CREB5: variants seen among roughly 807,000 people sequenced by gnomAD.
The protein encoded by CREB5 is cyclic AMP-responsive element-binding protein 5.
CREB5 carries 19 observed loss-of-function variants against 57.1 expected under a neutral mutation model. The observed-to-expected ratio is 0.33, with a 90% confidence interval of 0.23 to 0.49. CREB5 has a LOEUF of 0.49. CREB5 is among the 20% of genes least tolerant of loss of function. CREB5 has a pLI of 0.99. For synonymous variants in CREB5, 238 were observed against 238.3 expected, an observed-to-expected ratio of 1.00 and a Z score of 0.01; for missense variants, 579 against 671.6, an observed-to-expected ratio of 0.86 and a Z score of 1.52.
At chr7:28,731,753 G>C (rs921502730) in intron 7 of CREB5, among the ~76,000 whole-genome samples, 3 of 152,160 alleles carry the variant, frequency 2.0e-5, no homozygotes, top group Non-Finnish European at 4.4e-5. Context: ...TTATTGAAGC[G>C]AAGTACACAG....
At chr7:28,536,169 C>T (rs185431136) in intron 4 of CREB5, among the ~76,000 whole-genome samples, 1 of 152,298 alleles carries the variant, frequency 6.6e-6, no homozygotes, top group Admixed American at 6.5e-5. Flanking sequence ...CAAAAAGCAC[C>T]TTGAGCCTAT....
At position 28,571,336 on chromosome 7, in the gene CREB5, G is replaced by A. The variant is rs370550755; in HGVS notation, c.464+799G>A. 3.7e-4 allele frequency among the ~76,000 whole-genome samples: 56 copies of A among 152,150 alleles called. No individual in the cohort carries two copies. In the South Asian group the frequency reaches 8.7e-3, roughly 24 times the overall value. The stretch of plus-strand genomic sequence containing the variant: ...ACCACCATATTTCCACAGTCGTCCC[G>A]CCCTCTGCTTATTCTTCCCTGCTTC... On this transcript the variant is annotated intron_variant, in intron 5 of 10. Transcript: ENST00000357727.
At chr7:28,473,147 A>C (rs1790899559) in intron 1 of CREB5, among the ~76,000 whole-genome samples, 1 of 152,066 alleles carries the variant, frequency 6.6e-6, no homozygotes, top group African/African-American at 2.4e-5. Flanking sequence ...ACATAGTGGG[A>C]CCCCATCTCT....
At chr7:28,640,451 T>C (rs973689261) in intron 5 of CREB5, among the ~76,000 whole-genome samples, 2 of 152,186 alleles carry the variant, frequency 1.3e-5, no homozygotes, top group Non-Finnish European at 2.9e-5. Flanking sequence ...AACAAAAGTA[T>C]AGCTATTTGG....
intron 7 of CREB5, among the ~76,000 whole-genome samples, chr7:28,745,859 G>A (rs1804658307): frequency 6.6e-6 from 1 of 152,178 alleles, no homozygotes; most frequent in Admixed American, 6.5e-5. Context: ...GACCAGCTAG[G>A]ACACCTAAGT....
intron 1 of CREB5, among the ~76,000 whole-genome samples, chr7:28,319,659 G>A (rs1259875116): frequency 6.6e-6 from 1 of 152,096 alleles, no homozygotes; most frequent in Non-Finnish European, 1.5e-5. Flanking sequence ...TCTCAAGAGT[G>A]CCCCACCATT....
chr7:28,311,956 A>G (rs1307545509), intron 1 of CREB5, among the ~76,000 whole-genome samples: 3 of 152,188 alleles, frequency 2.0e-5, no homozygotes, highest in East Asian at 3.9e-4. Flanking sequence ...TTGGGCTGTT[A>G]GGACCCTGAC....
In CREB5 at chr7:28,787,879, A is replaced by G. The variant is rs570364311; in HGVS notation, c.703-16320A>G. Reference sequence around the variant, plus strand: ...TGAAAACTAGATTCTTAACTCTGCTATCATCATTGCCATTCTTGAACCACA... The same window carrying G: ...TGAAAACTAGATTCTTAACTCTGCTGTCATCATTGCCATTCTTGAACCACA... On this transcript the variant is annotated intron_variant, in intron 7 of 10. Transcript: ENST00000357727. 2.6e-5 allele frequency among the ~76,000 whole-genome samples: 4 copies of G among 152,304 alleles called. No homozygotes were observed. The East Asian group carries it at 7.7e-4, about 29-fold the overall frequency.
intron 7 of CREB5, among the ~76,000 whole-genome samples, chr7:28,751,406 T>C (rs952704596): frequency 6.6e-6 from 1 of 152,228 alleles, no homozygotes; most frequent in South Asian, 2.1e-4. Context: ...TTGTCTATAA[T>C]GTGTTCTCAG....
chr7:28,568,778 C>G (rs1039582255), intron 4 of CREB5, among the ~76,000 whole-genome samples: 2 of 152,192 alleles, frequency 1.3e-5, no homozygotes, highest in African/African-American at 2.4e-5. Flanking sequence ...ATTTAGAAAT[C>G]AGAAACCTGG....
chr7:28,627,475 T>C (rs1798044775), intron 5 of CREB5, among the ~76,000 whole-genome samples: 1 of 152,182 alleles, frequency 6.6e-6, no homozygotes, highest in Admixed American at 6.5e-5. Context: ...CATCAGTATT[T>C]TTTTTACATG....
chr7:28,670,888 G>T (rs993535146), intron 5 of CREB5, among the ~76,000 whole-genome samples: 17 of 152,020 alleles, frequency 1.1e-4, no homozygotes, highest in Admixed American at 8.5e-4. Flanking sequence ...TAGAGACAGG[G>T]TCTCACTATG....
intron 3 of CREB5, among the ~76,000 whole-genome samples, chr7:28,505,126 A>T (rs1305148088): frequency 6.6e-6 from 1 of 152,236 alleles, no homozygotes; most frequent in Non-Finnish European, 1.5e-5. Flanking sequence ...TTTACATAAT[A>T]TGGTTGGTGT....
At chr7:28,308,828 A>G (rs1785229824) in intron 1 of CREB5, among the ~76,000 whole-genome samples, 1 of 152,200 alleles carries the variant, frequency 6.6e-6, no homozygotes, top group African/African-American at 2.4e-5. Context: ...CCTGATGGTT[A>G]ATTTTATATG....
chr7:28,696,494 G>A (rs1049993588), intron 5 of CREB5, among the ~76,000 whole-genome samples: 3 of 152,086 alleles, frequency 2.0e-5, no homozygotes, highest in Non-Finnish European at 4.4e-5. Flanking sequence ...TTCTTCTACT[G>A]AAGTGAGAAG....
chr7:28,781,031 T>G (rs1267300036), intron 7 of CREB5, among the ~76,000 whole-genome samples: 1 of 152,208 alleles, frequency 6.6e-6, no homozygotes, highest in Non-Finnish European at 1.5e-5. Context: ...GAGAAAATAT[T>G]CCTTCCTGCT....
intron 1 of CREB5, among the ~76,000 whole-genome samples, chr7:28,442,727 A>T (rs118007629): frequency 6.6e-6 from 1 of 152,286 alleles, no homozygotes; most frequent in East Asian, 1.9e-4. Flanking sequence ...TAAGTTGTAT[A>T]GTAAATGGTT....
At position 28,348,408 on chromosome 7, in the gene CREB5, T is replaced by TCTCTCACA. The variant is rs1376338798; in HGVS notation, c.-25+48968_-25+48969insTCTCACAC. ...GTCTCTCTCTCTCTGTCTCTCTCTCTCACACACACACACACACACACACAC... is the reference window on the plus strand; with the variant it reads ...GTCTCTCTCTCTCTGTCTCTCTCTCTCTCTCACACACACACACACACACACACACACAC... On this transcript the variant is annotated intron_variant, in intron 1 of 9. Coordinates refer to the CREB5 transcript ENST00000396299. Among the ~76,000 whole-genome samples the TCTCTCACA allele has an allele frequency of 2.4e-4, 28 of 118,116 alleles. 1 individual carries two copies. The highest frequency in any genetic ancestry group is 7.6e-4 in the African/African-American group (24 of 31,608). The allele number at this position is 118,116 out of a possible 152,430, so 77.5% of individuals were successfully genotyped here. A position where few individuals can be genotyped will look rare whatever the true frequency, so the allele number is the denominator to read the frequency against.
chr7:28,656,411 T>C (rs1799334796), intron 5 of CREB5, among the ~76,000 whole-genome samples: 1 of 152,222 alleles, frequency 6.6e-6, no homozygotes, highest in Admixed American at 6.5e-5. Context: ...AGTAATATCA[T>C]GGAGTACAAC....
Sources: gnomAD v4.1 joint callset for allele counts (sites outside exome capture counted in the v4.1 genomes callset) on GRCh38, gnomAD v4.1.1 for gene constraint, MANE v1.5 for transcripts, NCBI Gene and HGNC (gene_info 2026-07-23, HGNC 2026-07-21) for gene names.